The following PIK3C2G variants were observed in gnomAD, a reference collection of about 807,000 sequenced individuals.
PIK3C2G encodes phosphatidylinositol 3-kinase C2 domain-containing subunit gamma.
In PIK3C2G, 168 loss-of-function variants were observed where a neutral mutation model predicts 181.1. That is an observed-to-expected ratio of 0.93 (90% CI 0.82 to 1.05). PIK3C2G has a LOEUF of 1.05. Ranked by LOEUF, PIK3C2G falls within the 50% of genes least tolerant of loss-of-function variation. PIK3C2G has a pLI of 0.00. For missense variants in PIK3C2G, 1,869 were observed against 1,732.8 expected, an observed-to-expected ratio of 1.08 and a Z score of -1.40; for synonymous variants, 573 against 592.2, an observed-to-expected ratio of 0.97 and a Z score of 0.47.
chr12:18,307,983 A>G (rs187134838), intron 5 of PIK3C2G, among the ~76,000 whole-genome samples: 1 of 151,942 alleles, frequency 6.6e-6, no homozygotes, highest in African/African-American at 2.4e-5. Flanking sequence ...GATGTTTCAC[A>G]TTATTTAATA....
intron 24 of PIK3C2G, among the ~76,000 whole-genome samples, chr12:18,510,249 T>C (rs571188514): frequency 1.6e-4 from 24 of 152,320 alleles, no homozygotes; most frequent in African/African-American, 5.8e-4. Context: ...TATAGGCATG[T>C]GCCACAGTGC....
At chr12:18,524,757 AG>A (rs1163406497) in intron 24 of PIK3C2G, among the ~76,000 whole-genome samples, 1 of 151,682 alleles carries the variant, frequency 6.6e-6, no homozygotes, top group African/African-American at 2.4e-5. Context: ...TAGTAGAGAT[AG>A]GATTTTGCCA....
At chr12:18,373,238 T>A (rs1942196376) in intron 13 of PIK3C2G, among the ~76,000 whole-genome samples, 1 of 152,166 alleles carries the variant, frequency 6.6e-6, no homozygotes, top group Admixed American at 6.5e-5. Flanking sequence ...GGTGACTGAA[T>A]TTCATTTCCT....
rs114373105 is a variant in PIK3C2G, at chr12:18,491,943, C to T, written c.2793+385C>T. Among the ~76,000 whole-genome samples, 644 of 152,208 alleles carry T rather than the reference C, an allele frequency of 4.2e-3. 5 individuals carry two copies. The highest frequency in any genetic ancestry group is 0.015 in the African/African-American group (620 of 41,526). The stretch of plus-strand genomic sequence containing the variant: ...TATGTGCATAACCATACCTAGTACA[C>T]GAACATTAGTCATTAGCTACAACAT... On this transcript the variant is annotated intron_variant, in intron 20 of 32. Coordinates refer to ENST00000538779, the MANE Select transcript of PIK3C2G (RefSeq NM_001288772.2).
chr12:18,531,928 T>C (rs1284187472), intron 24 of PIK3C2G, among the ~76,000 whole-genome samples: 1 of 151,996 alleles, frequency 6.6e-6, no homozygotes, highest in East Asian at 1.9e-4. Context: ...AGTTGTATCT[T>C]GTTGTTGTTT....
chr12:18,718,666 GACA>G, the PIK3C2G span, among the ~76,000 whole-genome samples: 1 of 152,010 alleles, frequency 6.6e-6, no homozygotes, highest in Non-Finnish European at 1.5e-5. Context: ...AGACTTTTCT[GACA>G]ACTTTACCCT....
chr12:18,539,692 C>A (rs185375511), intron 25 of PIK3C2G, among the ~76,000 whole-genome samples: 37 of 151,936 alleles, frequency 2.4e-4, no homozygotes, highest in South Asian at 6.2e-4. Flanking sequence ...GACTTTGTTG[C>A]AAGGAAGATT....
chr12:18,522,846 TCTCCTTTAGGAA>T (rs144399737), intron 24 of PIK3C2G, among the ~76,000 whole-genome samples: 13,926 of 152,070 alleles, frequency 0.092, 840 homozygotes, highest in Non-Finnish European at 0.14. Flanking sequence ...TTCTCTCTCC[TCTCCTTTAGGAA>T]CTCCTACTAT....
intron 24 of PIK3C2G, among the ~76,000 whole-genome samples, chr12:18,532,813 G>T (rs572511025): frequency 6.6e-6 from 1 of 152,162 alleles, no homozygotes; most frequent in Non-Finnish European, 1.5e-5. Context: ...TGGTGTAGGG[G>T]AGAAGTGGTG....
chr12:18,586,661 T>A (rs2136451457), intron 29 of PIK3C2G, among the ~76,000 whole-genome samples: 1 of 152,252 alleles, frequency 6.6e-6, no homozygotes, highest in Admixed American at 6.5e-5. Context: ...GCTGTAAAAT[T>A]ATTACTGAAA....
At chr12:18,511,875 C>T (rs1942232026) in intron 24 of PIK3C2G, among the ~76,000 whole-genome samples, 1 of 151,762 alleles carries the variant, frequency 6.6e-6, no homozygotes, top group Admixed American at 6.6e-5. Flanking sequence ...GGGGTCTTAT[C>T]CAAAAAAAAT....
chr12:18,713,434 T>C, the PIK3C2G span, among the ~76,000 whole-genome samples: 1 of 152,166 alleles, frequency 6.6e-6, no homozygotes, highest in Non-Finnish European at 1.5e-5. Flanking sequence ...TATCTAATTC[T>C]TTCCTCATGT....
chr12:18,508,871 C>A (rs183215075), intron 24 of PIK3C2G, among the ~76,000 whole-genome samples: 6 of 152,070 alleles, frequency 3.9e-5, no homozygotes, highest in Admixed American at 3.9e-4. Context: ...TACCAAACAA[C>A]AATAACCCTA....
intron 18 of PIK3C2G, among the ~76,000 whole-genome samples, chr12:18,483,658 C>A (rs1939768345): frequency 6.6e-6 from 1 of 151,188 alleles, no homozygotes; most frequent in African/African-American, 2.4e-5. Flanking sequence ...ATTAGATTTG[C>A]CCCAAAATAT....
At chr12:18,399,954 T>G in intron 16 of PIK3C2G, 107 bp downstream of exon 16, 1 of 578,430 alleles carries the variant, frequency 1.7e-6, no homozygotes, top group East Asian at 3.1e-5. Flanking sequence ...TGTTCTCAAT[T>G]TTGATAGTTA....
At chr12:18,475,801 A>G (rs1201080482) in intron 18 of PIK3C2G, among the ~76,000 whole-genome samples, 1 of 152,168 alleles carries the variant, frequency 6.6e-6, no homozygotes, top group African/African-American at 2.4e-5. Flanking sequence ...AGGAAATACC[A>G]TGTGAAAATG....
At chr12:18,367,634 A>C (rs1210287510) in intron 12 of PIK3C2G, among the ~76,000 whole-genome samples, 1 of 150,134 alleles carries the variant, frequency 6.7e-6, no homozygotes, top group Non-Finnish European at 1.5e-5. Flanking sequence ...GGCTCACTGC[A>C]ACCTCCGCCT....
intron 12 of PIK3C2G, among the ~76,000 whole-genome samples, chr12:18,364,822 C>T (rs543793722): frequency 6.6e-6 from 1 of 152,162 alleles, no homozygotes; most frequent in African/African-American, 2.4e-5. Flanking sequence ...TGCTCAAACC[C>T]AGGAGACAGA....
chr12:18,607,101 C>T (rs947574238), intron 30 of PIK3C2G: 67 of 473,034 alleles, frequency 1.4e-4, no homozygotes, highest in Middle Eastern at 3.4e-4. Flanking sequence ...TAACATTTCA[C>T]GATAAGGGCT....
Sources: gnomAD v4.1 joint callset for allele counts (sites outside exome capture counted in the v4.1 genomes callset) on GRCh38, gnomAD v4.1.1 for gene constraint, MANE v1.5 for transcripts, NCBI Gene and HGNC (gene_info 2026-07-23, HGNC 2026-07-21) for gene names.